AP2B1: variants seen among roughly 807,000 people sequenced by gnomAD.
AP2B1 encodes the protein AP-2 complex subunit beta.
Under a neutral mutation model 102.0 loss-of-function variants are expected in AP2B1, and 23 were observed. The ratio of observed to expected loss-of-function variants is 0.23; its 90% CI spans 0.16 to 0.32. The LOEUF is 0.32. AP2B1 is among the 10% of genes least tolerant of loss of function. The probability of loss-of-function intolerance (pLI) is 1.00; values close to 1 mark genes in which losing one functional copy is unlikely to be tolerated. For missense variants in AP2B1, 541 were observed against 1,157.4 expected (o/e 0.47, Z 7.73); for synonymous variants, 381 against 421.2 (o/e 0.90, Z 1.17).
intron 3 of AP2B1, among the ~76,000 whole-genome samples, chr17:35,603,754 A>T (rs2073566989): frequency 6.6e-6 from 1 of 152,186 alleles, no homozygotes; most frequent in African/African-American, 2.4e-5. Flanking sequence ...GAACTTTAAA[A>T]AGCGTAACTG....
chr17:35,622,966 A>G (rs988504864), intron 5 of AP2B1, among the ~76,000 whole-genome samples: 11 of 152,110 alleles, frequency 7.2e-5, no homozygotes, highest in African/African-American at 7.2e-5. Context: ...CGCCCAGCCA[A>G]CTTATACTTG....
intron 9 of AP2B1, among the ~76,000 whole-genome samples, chr17:35,632,678 A>G (rs225262): frequency 0.62 from 94,144 of 150,872 alleles, 29,431 homozygotes; most frequent in Non-Finnish European, 0.65. Flanking sequence ...TTTTTAATCA[A>G]AAGCAGTATG....
intron 18 of AP2B1, among the ~76,000 whole-genome samples, chr17:35,704,260 T>C (rs1321612524): frequency 6.6e-6 from 1 of 152,164 alleles, no homozygotes; most frequent in Admixed American, 6.5e-5. Context: ...ACCTGTGTTG[T>C]CCTTTCTTAG....
intron 2 of AP2B1, chr17:35,597,184 G>A (rs770613488): frequency 2.8e-5 from 13 of 458,174 alleles, no homozygotes; most frequent in Non-Finnish European, 4.5e-5. Context: ...GGAACGACAG[G>A]AACAGTCTTG....
chr17:35,714,912 T>G (rs1020336240), intron 20 of AP2B1, among the ~76,000 whole-genome samples: 3 of 152,194 alleles, frequency 2.0e-5, no homozygotes, highest in Non-Finnish European at 4.4e-5. Flanking sequence ...GATTCCGTCC[T>G]GTTTCCCAGA....
In AP2B1 at chr17:35,677,374, C is replaced by A. The variant is rs541445217; in HGVS notation, c.2324+3053C>A. ...TGTGTTCTAAGAAATCTTTGCTTAA[C>A]CCCATGGTTACAAAGATTTTTTTGG... On this transcript the variant is annotated intron_variant, in intron 17 of 21. Coordinates refer to ENST00000610402, the MANE Select transcript of AP2B1 (RefSeq NM_001030006.2). 2.0e-5 allele frequency among the ~76,000 whole-genome samples: 3 copies of A among 152,256 alleles called. 1 individual carries two copies. The South Asian group carries it at 6.2e-4, about 32-fold the overall frequency.
chr17:35,704,765 G>T (rs1208839149), intron 18 of AP2B1, among the ~76,000 whole-genome samples: 1 of 152,168 alleles, frequency 6.6e-6, no homozygotes, highest in Non-Finnish European at 1.5e-5. Flanking sequence ...GGGTGCGGTG[G>T]CTCACGCCTG....
intron 21 of AP2B1, among the ~76,000 whole-genome samples, chr17:35,722,474 T>G (rs1241186474): frequency 6.6e-6 from 1 of 152,234 alleles, no homozygotes; most frequent in Non-Finnish European, 1.5e-5. Context: ...ATAGAATATC[T>G]TCCCATGTTC....
rs183880348 is a variant in AP2B1 at position 35,642,702 on chromosome 17, G to T, written c.1536+727G>T. Among the ~76,000 whole-genome samples the T allele has an allele frequency of 6.6e-5, 10 of 152,246 alleles. No individual in the cohort carries two copies. The East Asian group carries it at 1.5e-3, about 24-fold the overall frequency. On this transcript the variant is annotated intron_variant, in intron 12 of 21. Transcript: ENST00000610402. Reference sequence around the variant, plus strand: ...GTGTCTGCAAATGGAATATGATTCAGATATCCAGTTTACCATTTTTCTGTC... The same window carrying T: ...GTGTCTGCAAATGGAATATGATTCATATATCCAGTTTACCATTTTTCTGTC...
At position 35,603,795 on chromosome 17, in the gene AP2B1, G is replaced by A. The variant is rs75083694; in HGVS notation, c.144-1910G>A. On this transcript the variant is annotated intron_variant, in intron 3 of 21. Transcript: ENST00000610402. ...CTTTGAAACTGTAGTAGATGGATAT[G>A]AAGAATTATTGTTCCTTTTGCCCTG... Among the ~76,000 whole-genome samples the A allele has an allele frequency of 1.3e-3, 192 of 152,330 alleles. 1 individual carries two copies. The East Asian group carries it at 0.034, about 27-fold the overall frequency.
intron 10 of AP2B1, among the ~76,000 whole-genome samples, chr17:35,639,362 A>G (rs9906170): frequency 0.015 from 2,338 of 152,222 alleles, 71 homozygotes; most frequent in African/African-American, 0.053. Context: ...ACAAAAGAAC[A>G]TCTGATGAAT....
intron 18 of AP2B1, among the ~76,000 whole-genome samples, chr17:35,687,395 C>T (rs2075958543): frequency 1.3e-5 from 2 of 152,100 alleles, no homozygotes; most frequent in Non-Finnish European, 2.9e-5. Context: ...ACTGGGATTA[C>T]AGGTGCGAGC....
In AP2B1 at chr17:35,623,112, T is replaced by TA. The variant is rs398119803; in HGVS notation, c.526-1284dup. On this transcript the variant is annotated intron_variant, in intron 5 of 21. Transcript: ENST00000610402. Reference sequence around the variant, plus strand: ...GTATGTATGCATTTTTTTTTTTTTTTAGTATTTTTGCAACTTTTAAATGAC... The same window carrying TA: ...GTATGTATGCATTTTTTTTTTTTTTTAAGTATTTTTGCAACTTTTAAATGAC... Among the ~76,000 whole-genome samples the TA allele has an allele frequency of 1.5e-4, 22 of 150,676 alleles. No homozygotes were observed. The East Asian group carries it at 3.5e-3, about 24-fold the overall frequency.
At chr17:35,638,713 C>T (rs1020250901) in intron 10 of AP2B1, among the ~76,000 whole-genome samples, 3 of 150,834 alleles carry the variant, frequency 2.0e-5, no homozygotes, top group African/African-American at 7.3e-5. Flanking sequence ...GGCATGAACC[C>T]GGGAGGCGGA....
chr17:35,618,397 C>G (rs2074083463), intron 5 of AP2B1, among the ~76,000 whole-genome samples: 1 of 152,176 alleles, frequency 6.6e-6, no homozygotes, highest in Admixed American at 6.5e-5. Flanking sequence ...TCACTTTATT[C>G]AAGTCTTCAG....
intron 18 of AP2B1, among the ~76,000 whole-genome samples, chr17:35,700,808 T>C (rs149266854): frequency 4.7e-4 from 72 of 152,392 alleles, no homozygotes; most frequent in East Asian, 2.3e-3. Context: ...GTTCTTTCCT[T>C]AGCAGCCTCT....
Position 35,670,842 on chromosome 17 carries a change from C to G in AP2B1, c.1990-15C>G, listed in dbSNP as rs1251579986. 1 of 1,613,584 alleles carries G rather than the reference C, an allele frequency of 6.2e-7. No individual in the cohort carries two copies. Among genetic ancestry groups the G allele is most frequent in the Admixed American group, 1.7e-5 (1 of 59,958 alleles). On this transcript the variant is annotated splice_polypyrimidine_tract_variant and intron_variant, in intron 14 of 21. Transcript: ENST00000610402. ...ACTCTACCTCTCTCTCCTCTCTCTC[C>G]TTTCTCTCTTTCAGCTTGGCAGTGA...
intron 21 of AP2B1, among the ~76,000 whole-genome samples, chr17:35,718,910 T>A (rs1197796199): frequency 2.0e-5 from 3 of 152,166 alleles, no homozygotes; most frequent in Non-Finnish European, 4.4e-5. Context: ...TAGTGACTAG[T>A]TCAAGATCAT....
In AP2B1 at chr17:35,697,167, T is replaced by C. The variant is rs144137147; in HGVS notation, c.2455-12057T>C. ...GGTCTGGTCCTGGTCCCAAGTTTAA[T>C]CTGAAGACTACAATCACAAATTCAT... On this transcript the variant is annotated intron_variant, in intron 18 of 21. Coordinates refer to ENST00000610402, the MANE Select transcript of AP2B1 (RefSeq NM_001030006.2). Among the ~76,000 whole-genome samples, 21 of 152,318 alleles carry C rather than the reference T, an allele frequency of 1.4e-4. No individual in the cohort carries two copies. In the East Asian group the frequency reaches 3.9e-3, roughly 28 times the overall value.
Sources: gnomAD v4.1 joint callset for allele counts (sites outside exome capture counted in the v4.1 genomes callset) on GRCh38, gnomAD v4.1.1 for gene constraint, MANE v1.5 for transcripts, NCBI Gene and HGNC (gene_info 2026-07-23, HGNC 2026-07-21) for gene names.